Variants in DDX4 observed in about 807,000 individuals in gnomAD.
DDX4 encodes the protein probable ATP-dependent RNA helicase DDX4.
DDX4 carries 25 observed loss-of-function variants against 100.0 expected under a neutral mutation model. The ratio of observed to expected loss-of-function variants is 0.25; its 90% CI spans 0.18 to 0.35. The LOEUF (loss-of-function observed/expected upper bound fraction) is 0.35. DDX4 is among the 10% of genes least tolerant of loss of function. The pLI, the probability that DDX4 is intolerant of heterozygous loss-of-function variation, is 1.00. For synonymous variants in DDX4, 259 were observed against 275.7 expected (o/e 0.94, Z 0.60); for missense variants, 635 against 882.4 (o/e 0.72, Z 3.55).
chr5:55,793,777 T>G (rs1156971096), intron 17 of DDX4, among the ~76,000 whole-genome samples: 2 of 152,166 alleles, frequency 1.3e-5, no homozygotes, highest in African/African-American at 4.8e-5. Context: ...TCATAAAGAG[T>G]TGCCTCCAAA....
chr5:55,772,816 G>C (rs1008679237), intron 7 of DDX4, among the ~76,000 whole-genome samples: 1 of 152,156 alleles, frequency 6.6e-6, no homozygotes, highest in Admixed American at 6.5e-5. Flanking sequence ...CAGATGCCCA[G>C]TCTTGAACAT....
chr5:55,771,343 C>A (rs1451025265), intron 7 of DDX4, among the ~76,000 whole-genome samples: 2 of 152,132 alleles, frequency 1.3e-5, no homozygotes, highest in African/African-American at 4.8e-5. Context: ...TGACTTCTAA[C>A]AGCATACGAT....
chr5:55,788,727 T>C (rs1742380429), intron 15 of DDX4, among the ~76,000 whole-genome samples: 1 of 152,194 alleles, frequency 6.6e-6, no homozygotes, highest in African/African-American at 2.4e-5. Context: ...CTTTCTAACT[T>C]GGGGCTATTG....
chr5:55,806,886 C>T (rs1408523775), intron 18 of DDX4, among the ~76,000 whole-genome samples: 1 of 152,114 alleles, frequency 6.6e-6, no homozygotes, highest in Non-Finnish European at 1.5e-5. Flanking sequence ...TCCTTGTTAA[C>T]TTTCTGTCTC....
intron 17 of DDX4, among the ~76,000 whole-genome samples, chr5:55,793,071 T>TTTGTGTG (rs1561507879): frequency 9.7e-4 from 146 of 150,160 alleles, no homozygotes; most frequent in Admixed American, 8.0e-3. Context: ...TGTGTTGTTG[T>TTTGTGTG]TGTTGTTGCA....
Position 55,816,804 on chromosome 5 carries a change from G to C in DDX4, c.*264G>C, listed in dbSNP as rs1744446239. ...TTCTTATTTCTGGTATATTCTTTAG[G>C]GGGCTTAGACATGTTTAATGTTTAA... On this transcript the variant is annotated 3_prime_UTR_variant, in exon 22 of 22. Transcript: ENST00000505374. The C allele has an allele frequency of 4.6e-6, 2 of 436,000 alleles. No homozygotes were observed. Among genetic ancestry groups the C allele is most frequent in the South Asian group, 1.1e-4 (2 of 18,148 alleles). 27.0% of individuals were successfully genotyped at this position (436,000 alleles called of 1,614,324 possible).
chr5:55,764,298 A>G (rs994871654), intron 6 of DDX4, among the ~76,000 whole-genome samples: 1 of 152,138 alleles, frequency 6.6e-6, no homozygotes, highest in Non-Finnish European at 1.5e-5. Context: ...ACAACTTTTG[A>G]ATGCTCTGAA....
intron 18 of DDX4, among the ~76,000 whole-genome samples, chr5:55,799,617 C>T (rs1743176559): frequency 6.6e-6 from 1 of 152,172 alleles, no homozygotes; most frequent in Non-Finnish European, 1.5e-5. Context: ...CTCGAGTGAT[C>T]CACTCACATT....
intron 3 of DDX4, among the ~76,000 whole-genome samples, chr5:55,750,829 T>C (rs1382665240): frequency 1.3e-5 from 2 of 152,220 alleles, no homozygotes; most frequent in Non-Finnish European, 2.9e-5. Context: ...GATATATTCC[T>C]AATTGATAAT....
chr5:55,790,652 A>G lies in DDX4; in HGVS notation c.1249A>G (p.Asn417Asp), dbSNP rs753495142. Residue 417 changes from asparagine to aspartate, a missense_variant, in exon 16 of 22, where the codon AAT (asparagine) becomes GAT (aspartate). Asn to Asp is a conservative substitution (Grantham distance 23, BLOSUM62 1). Transcript: ENST00000505374. ...HSIRQIVQGC[N>D]ILCATPGRLM... is the part of the protein sequence containing the mutation. ...AATTCGACAAATAGTACAAGGCTGTAATATATTATGTGCTACTCCTGGAAG... is the reference window on the plus strand; with the variant it reads ...AATTCGACAAATAGTACAAGGCTGTGATATATTATGTGCTACTCCTGGAAG... The G allele has an allele frequency of 1.2e-6, 2 of 1,609,748 alleles. No homozygotes were observed. The highest frequency in any genetic ancestry group is 1.3e-5 in the African/African-American group (1 of 74,958).
intron 2 of DDX4, among the ~76,000 whole-genome samples, chr5:55,741,643 G>T (rs868129130): frequency 4.0e-4 from 61 of 152,254 alleles, no homozygotes; most frequent in African/African-American, 1.4e-3. Flanking sequence ...CAAAAAATTA[G>T]CTGGGAGTGG....
At chr5:55,767,571 C>T (rs960080096) in intron 6 of DDX4, among the ~76,000 whole-genome samples, 4 of 152,168 alleles carry the variant, frequency 2.6e-5, no homozygotes, top group Non-Finnish European at 4.4e-5. Context: ...TTTGGTCAAA[C>T]TGAAATTTAT....
chr5:55,798,192 C>G (rs1561511249), intron 17 of DDX4, among the ~76,000 whole-genome samples: 1 of 151,918 alleles, frequency 6.6e-6, no homozygotes, highest in Non-Finnish European at 1.5e-5. Context: ...TTGTAATTAC[C>G]ATATCCATAC....
intron 7 of DDX4, among the ~76,000 whole-genome samples, chr5:55,771,255 AT>A (rs1325164966): frequency 5.3e-5 from 8 of 152,118 alleles, no homozygotes; most frequent in Admixed American, 4.6e-4. Flanking sequence ...TGAAATACAA[AT>A]TACTGGCACC....
chr5:55,759,912 T>G (rs1034398014), intron 3 of DDX4, among the ~76,000 whole-genome samples: 2 of 152,320 alleles, frequency 1.3e-5, no homozygotes, highest in East Asian at 3.8e-4. Context: ...TATTTTGTTA[T>G]TTTCTTTCAG....
At chr5:55,798,390 G>A (rs1743094603) in intron 17 of DDX4, 36 bp from the exon 18 acceptor site, 3 of 1,602,738 alleles carry the variant, frequency 1.9e-6, no homozygotes, top group Non-Finnish European at 2.6e-6. Context: ...TGATGGAGAG[G>A]AGGATAAGTT....
At chr5:55,794,615 G>A (rs1168314464) in intron 17 of DDX4, among the ~76,000 whole-genome samples, 1 of 151,778 alleles carries the variant, frequency 6.6e-6, no homozygotes, top group Non-Finnish European at 1.5e-5. Flanking sequence ...GAAAGTATTT[G>A]TATGTTGGCC....
At chr5:55,771,615 A>G (rs907519468) in intron 7 of DDX4, among the ~76,000 whole-genome samples, 1 of 152,294 alleles carries the variant, frequency 6.6e-6, no homozygotes, top group African/African-American at 2.4e-5. Flanking sequence ...GTCATAGGCT[A>G]TATATATTTT....
chr5:55,766,438 GTT>G (rs1054625390), intron 6 of DDX4, among the ~76,000 whole-genome samples: 5 of 117,138 alleles, frequency 4.3e-5, no homozygotes, highest in Non-Finnish European at 3.8e-5. Context: ...TAGTAGTTTT[GTT>G]TTTTTTTTTT....
Sources: gnomAD v4.1 joint callset for allele counts (sites outside exome capture counted in the v4.1 genomes callset) on GRCh38, gnomAD v4.1.1 for gene constraint, MANE v1.5 for transcripts, NCBI Gene and HGNC (gene_info 2026-07-23, HGNC 2026-07-21) for gene names.